Variants in CCDC82 observed in about 807,000 individuals in gnomAD.
The protein encoded by CCDC82 is coiled-coil domain containing 82, also known as coiled-coil domain-containing protein 82.
In CCDC82, 47 loss-of-function variants were observed where a neutral mutation model predicts 60.6. The observed-to-expected ratio is 0.77, with a 90% CI of 0.61 to 0.99. The LOEUF (loss-of-function observed/expected upper bound fraction) is 0.99. Among genes scored for constraint, CCDC82 ranks in the 50% least tolerant of loss-of-function variants. CCDC82 has a pLI of 0.00. For synonymous variants in CCDC82, 212 were observed against 207.4 expected, an observed-to-expected ratio of 1.02 and a Z score of -0.19; for missense variants, 588 against 633.0, an observed-to-expected ratio of 0.93 and a Z score of 0.76.
chr11:96,360,389 G>A (rs1864594231), intron 8 of CCDC82, among the ~76,000 whole-genome samples: 1 of 150,360 alleles, frequency 6.7e-6, no homozygotes, highest in Non-Finnish European at 1.5e-5. Flanking sequence ...TAGTAGAGAC[G>A]GGATTTCACC....
At chr11:96,358,711 A>T in intron 9 of CCDC82, 1 of 1,155,828 alleles carries the variant, frequency 8.7e-7, no homozygotes, top group Non-Finnish European at 1.1e-6. Flanking sequence ...TATGTAAGCA[A>T]TACATACATA....
intron 8 of CCDC82, among the ~76,000 whole-genome samples, chr11:96,359,820 C>A (rs557621989): frequency 4.0e-5 from 6 of 150,642 alleles, no homozygotes; most frequent in South Asian, 2.1e-4. Flanking sequence ...TTTCCCCCCC[C>A]AAAAAAAATG....
chr11:96,383,959 C>A lies in CCDC82; in HGVS notation c.786+3G>T. The A allele has an allele frequency of 6.3e-7, 1 of 1,591,564 alleles. No individual in the cohort carries two copies. Among genetic ancestry groups the A allele is most frequent in the Non-Finnish European group, 8.5e-7 (1 of 1,172,014 alleles). On this transcript the variant is annotated splice_donor_region_variant and intron_variant, in intron 4 of 9. Transcript: ENST00000646818. ...ATAACAAATCCAACAAAATATAACA[C>A]ACCTCAAAATCTCTACCACTACTGC...
chr11:96,377,306 T>G (rs1865628634), intron 5 of CCDC82, among the ~76,000 whole-genome samples: 1 of 152,152 alleles, frequency 6.6e-6, no homozygotes, highest in Admixed American at 6.5e-5. Flanking sequence ...TCTCTTAACT[T>G]CTGTATCCTT....
At chr11:96,357,556 T>C (rs1190842403) in intron 9 of CCDC82, 1 of 985,392 alleles carries the variant, frequency 1.0e-6, no homozygotes, top group Non-Finnish European at 1.2e-6. Flanking sequence ...TTTTCTAGGA[T>C]ACATGATTTG....
intron 4 of CCDC82, 38 bp downstream of exon 4, chr11:96,383,924 C>A (rs1282304062): frequency 6.5e-7 from 1 of 1,538,882 alleles, no homozygotes; most frequent in Non-Finnish European, 8.7e-7. Context: ...AAGAAAAAAA[C>A]TGAAAAACAA....
At chr11:96,354,034 G>A (rs1344648108) in intron 9 of CCDC82, 1 of 198,880 alleles carries the variant, frequency 5.0e-6, no homozygotes, top group African/African-American at 2.4e-5. Context: ...AAAGTTTGTT[G>A]AACATATATA....
chr11:96,384,101 T>C lies in CCDC82; in HGVS notation c.647A>G (p.Asp216Gly), dbSNP rs1366781637. The change falls in exon 4 of 10, where the codon GAT becomes GGT. Residue 216 changes from aspartate (D) to glycine (G), a missense_variant. Transcript: ENST00000646818. ...GVKRPRRVVEDEGSSVEMEQK... is the reference protein window; with the variant it reads ...GVKRPRRVVEGEGSSVEMEQK... The stretch of plus-strand genomic sequence containing the variant: ...CTCCATTTCCACTGAAGAACCTTCA[T>C]CTTCAACCACTCTACGGGGACGTTT... The C allele has an allele frequency of 6.2e-7, 1 of 1,613,652 alleles. No individual in the cohort carries two copies. Among genetic ancestry groups the C allele is most frequent in the Non-Finnish European group, 8.5e-7 (1 of 1,179,762 alleles).
At chr11:96,367,820 C>CTT (rs777554159) in intron 7 of CCDC82, among the ~76,000 whole-genome samples, 42,239 of 122,514 alleles carry the variant, frequency 0.34, 7,605 homozygotes, top group Non-Finnish European at 0.4. Flanking sequence ...AAATGTATTT[C>CTT]TTTTTTTTTT....
At chr11:96,378,506 T>G (rs1865707769) in intron 5 of CCDC82, among the ~76,000 whole-genome samples, 1 of 151,982 alleles carries the variant, frequency 6.6e-6, no homozygotes. Flanking sequence ...AGGCCCACTC[T>G]TTATTGTGTT....
intron 9 of CCDC82, chr11:96,357,442 T>G (rs1864405441): frequency 1.0e-6 from 1 of 984,998 alleles, no homozygotes; most frequent in Non-Finnish European, 1.2e-6. Context: ...AAAGAAAGCC[T>G]AAGCTCCTTT....
chr11:96,361,493 T>C (rs1204504220), intron 8 of CCDC82, among the ~76,000 whole-genome samples: 1 of 152,216 alleles, frequency 6.6e-6, no homozygotes, highest in African/African-American at 2.4e-5. Context: ...AATGTTCTTG[T>C]ATTTTTTCCC....
At chr11:96,382,371 T>C (rs903330463) in intron 5 of CCDC82, 1 of 151,818 alleles carries the variant, frequency 6.6e-6, no homozygotes, top group African/African-American at 2.4e-5. Context: ...GAAAAACTTG[T>C]ATGTGCTATT....
intron 5 of CCDC82, among the ~76,000 whole-genome samples, chr11:96,375,067 A>G (rs1437831845): frequency 6.6e-6 from 1 of 152,162 alleles, no homozygotes; most frequent in African/African-American, 2.4e-5. Context: ...GGGCAATTTT[A>G]TTTGTGTTAA....
chr11:96,368,192 G>A (rs1009526726), intron 7 of CCDC82, among the ~76,000 whole-genome samples: 1 of 152,132 alleles, frequency 6.6e-6, no homozygotes, highest in Non-Finnish European at 1.5e-5. Flanking sequence ...CAGAATGGAT[G>A]TGCTGGGAGG....
intron 7 of CCDC82, among the ~76,000 whole-genome samples, chr11:96,365,719 A>G (rs1434464942): frequency 6.6e-6 from 1 of 152,230 alleles, no homozygotes; most frequent in African/African-American, 2.4e-5. Flanking sequence ...ATCAATGAGT[A>G]AACAAACTGA....
chr11:96,358,510 C>CA, intron 9 of CCDC82: 1 of 1,232,522 alleles, frequency 8.1e-7, no homozygotes, highest in Non-Finnish European at 1.0e-6. Context: ...GCTCACTGCT[C>CA]AGTCCCATGT....
chr11:96,385,035 A>G, intron 3 of CCDC82: 2 of 247,166 alleles, frequency 8.1e-6, no homozygotes, highest in East Asian at 1.6e-4. Context: ...TCAGAAGATT[A>G]TTATCTATAT....
chr11:96,370,917 C>A (rs1728833481), intron 7 of CCDC82, 96 bp downstream of exon 7: 8 of 1,065,574 alleles, frequency 7.5e-6, no homozygotes, highest in Non-Finnish European at 1.0e-5. Flanking sequence ...CAAAGACATG[C>A]CAATATTTTA....
Sources: gnomAD v4.1 joint callset for allele counts (sites outside exome capture counted in the v4.1 genomes callset) on GRCh38, gnomAD v4.1.1 for gene constraint, MANE v1.5 for transcripts, NCBI Gene and HGNC (gene_info 2026-07-23, HGNC 2026-07-21) for gene names.